The following KMT2C variants were observed in gnomAD, a reference collection of about 807,000 sequenced individuals.
KMT2C encodes histone-lysine N-methyltransferase 2C.
In KMT2C, 88 loss-of-function variants were observed where a neutral mutation model predicts 507.9. The observed-to-expected ratio is 0.17, with a 90% CI of 0.15 to 0.21. The LOEUF is 0.21. Among genes scored for constraint, KMT2C ranks in the 10% least tolerant of loss-of-function variants. The probability of loss-of-function intolerance (pLI) is 1.00; values close to 1 mark genes in which losing one functional copy is unlikely to be tolerated. For synonymous variants in KMT2C, 2,049 were observed against 2,080.8 expected (o/e 0.98, Z 0.42); for missense variants, 4,954 against 5,957.8 (o/e 0.83, Z 5.55).
At chr7:152,215,982 C>A (rs2094573349) in intron 23 of KMT2C, among the ~76,000 whole-genome samples, 1 of 152,098 alleles carries the variant, frequency 6.6e-6, no homozygotes, top group Non-Finnish European at 1.5e-5. Context: ...AAGCAGCCAC[C>A]TTCACCAGAT....
chr7:152,339,887 T>A (rs2096974771), intron 2 of KMT2C, among the ~76,000 whole-genome samples: 1 of 152,150 alleles, frequency 6.6e-6, no homozygotes, highest in Admixed American at 6.5e-5. Context: ...AAATAATATA[T>A]TTAAAATGAA....
At chr7:152,426,032 T>C (rs1057465410) in intron 1 of KMT2C, among the ~76,000 whole-genome samples, 6 of 152,074 alleles carry the variant, frequency 3.9e-5, no homozygotes, top group Non-Finnish European at 8.8e-5. Context: ...ATAATATTAC[T>C]ACATATACAA....
In KMT2C at chr7:152,145,167, C is replaced by T. The variant is rs1415185589; in HGVS notation, c.14160G>A (p.Lys4720=). The change falls in exon 54 of 59, where the codon AAG becomes AAA. Residue 4720 remains lysine (K), a synonymous_variant. Coordinates refer to ENST00000262189, the MANE Select transcript of KMT2C (RefSeq NM_170606.3). The stretch of plus-strand genomic sequence containing the variant: ...AAACAAAATACCTTAACACAAACCT[C>T]TTGACATGGGCACTCATTTTAGGTT... ...RSEPKMSAHV[K]RFVLRPHTLN... 2 of 1,614,014 alleles carry T rather than the reference C, an allele frequency of 1.2e-6. No individual in the cohort carries two copies. Among genetic ancestry groups the T allele is most frequent in the Admixed American group, 3.3e-5 (2 of 59,984 alleles).
chr7:152,379,584 T>C (rs564927614), intron 1 of KMT2C, among the ~76,000 whole-genome samples: 1 of 152,184 alleles, frequency 6.6e-6, no homozygotes, highest in South Asian at 2.1e-4. Context: ...GGCGTGGTGG[T>C]GCACACATAG....
chr7:152,141,068 C>T (rs922875781), intron 55 of KMT2C, among the ~76,000 whole-genome samples: 1 of 151,974 alleles, frequency 6.6e-6, no homozygotes, highest in Non-Finnish European at 1.5e-5. Context: ...GGTGAAACCC[C>T]GTCTCTACTA....
At chr7:152,210,044 G>T (rs770232725) in intron 23 of KMT2C, among the ~76,000 whole-genome samples, 1 of 152,118 alleles carries the variant, frequency 6.6e-6, no homozygotes, top group Admixed American at 6.5e-5. Context: ...GGAACAATGG[G>T]ATGAAGACTG....
At chr7:152,417,439 T>A in intron 1 of KMT2C, among the ~76,000 whole-genome samples, 1 of 151,942 alleles carries the variant, frequency 6.6e-6, no homozygotes, top group Non-Finnish European at 1.5e-5. Flanking sequence ...TCTTAACACA[T>A]ATACCCTCTT....
intron 1 of KMT2C, among the ~76,000 whole-genome samples, chr7:152,371,356 T>C (rs2097291994): frequency 6.6e-6 from 1 of 151,940 alleles, no homozygotes; most frequent in East Asian, 1.9e-4. Flanking sequence ...GTAAGCTTCA[T>C]GGTAACCACA....
chr7:152,429,849 G>A (rs1403121380), intron 1 of KMT2C, among the ~76,000 whole-genome samples: 1 of 151,388 alleles, frequency 6.6e-6, no homozygotes, highest in Non-Finnish European at 1.5e-5. Context: ...ATAACCACCA[G>A]CATATATCTA....
intron 43 of KMT2C, among the ~76,000 whole-genome samples, chr7:152,159,671 G>A (rs993995421): frequency 6.6e-6 from 1 of 152,144 alleles, no homozygotes; most frequent in Non-Finnish European, 1.5e-5. Flanking sequence ...CAATGGGAGA[G>A]AACGTAGATG....
At chr7:152,242,302 C>T (rs545120386) in intron 14 of KMT2C, among the ~76,000 whole-genome samples, 2 of 152,004 alleles carry the variant, frequency 1.3e-5, no homozygotes, top group South Asian at 2.1e-4. Context: ...TGTATGAATT[C>T]ATCAATAAAC....
intron 1 of KMT2C, among the ~76,000 whole-genome samples, chr7:152,403,715 T>TAC (rs36191060): frequency 9.8e-4 from 141 of 144,312 alleles, no homozygotes; most frequent in African/African-American, 1.9e-3. Context: ...CTGGGACACA[T>TAC]ACACACACAC....
chr7:152,213,705 T>A (rs548313876), intron 23 of KMT2C, among the ~76,000 whole-genome samples: 1 of 135,326 alleles, frequency 7.4e-6, no homozygotes. Flanking sequence ...AAAGCAAAAA[T>A]AAGCAAGTGG....
intron 2 of KMT2C, among the ~76,000 whole-genome samples, chr7:152,335,919 T>G (rs1023470411): frequency 6.6e-6 from 1 of 151,962 alleles, no homozygotes; most frequent in Non-Finnish European, 1.5e-5. Flanking sequence ...TTTTTTTGTT[T>G]TTTTTTTGTT....
intron 26 of KMT2C, among the ~76,000 whole-genome samples, chr7:152,199,939 AT>A (rs2094081115): frequency 2.0e-5 from 3 of 152,178 alleles, no homozygotes; most frequent in African/African-American, 7.2e-5. Context: ...TGTGTGCAAT[AT>A]TTACAGCTAC....
chr7:152,410,411 CAA>C (rs66620029), intron 1 of KMT2C, among the ~76,000 whole-genome samples: 21 of 106,044 alleles, frequency 2.0e-4, no homozygotes, highest in Admixed American at 2.1e-4. Flanking sequence ...GACCCTGTCT[CAA>C]AAAAAAAAAA....
chr7:152,193,736 G>C (rs2093878838), intron 31 of KMT2C, among the ~76,000 whole-genome samples: 1 of 152,112 alleles, frequency 6.6e-6, no homozygotes, highest in African/African-American at 2.4e-5. Flanking sequence ...AGAGTGGAGT[G>C]AGCTGGGAAT....
chr7:152,213,283 G>A (rs998646854), intron 23 of KMT2C, among the ~76,000 whole-genome samples: 13 of 152,076 alleles, frequency 8.5e-5, no homozygotes, highest in Non-Finnish European at 1.9e-4. Context: ...GAAAAACAAA[G>A]TAGAAGGTAT....
intron 31 of KMT2C, among the ~76,000 whole-genome samples, chr7:152,191,404 C>G (rs984020763): frequency 1.3e-5 from 2 of 152,206 alleles, no homozygotes; most frequent in African/African-American, 4.8e-5. Context: ...CCCCTTTCCT[C>G]ACACCTTATA....
Sources: gnomAD v4.1 joint callset for allele counts (sites outside exome capture counted in the v4.1 genomes callset) on GRCh38, gnomAD v4.1.1 for gene constraint, MANE v1.5 for transcripts, NCBI Gene and HGNC (gene_info 2026-07-23, HGNC 2026-07-21) for gene names.